The following DIAPH3 variants were observed in gnomAD, a reference collection of about 807,000 sequenced individuals.
DIAPH3 encodes protein diaphanous homolog 3.
In DIAPH3, 117 loss-of-function variants were observed where a neutral mutation model predicts 144.3. The observed-to-expected ratio is 0.81, with a 90% CI of 0.70 to 0.95. The LOEUF is 0.95. Among genes scored for constraint, DIAPH3 ranks in the 40% least tolerant of loss-of-function variants. The pLI is 0.00. For missense variants in DIAPH3, 1,421 were observed against 1,412.7 expected (o/e 1.01, Z -0.09); for synonymous variants, 519 against 488.9 (o/e 1.06, Z -0.81).
At chr13:59,813,884 A>C (rs1455230271) in intron 24 of DIAPH3, among the ~76,000 whole-genome samples, 3 of 151,690 alleles carry the variant, frequency 2.0e-5, no homozygotes, top group Admixed American at 6.6e-5. Flanking sequence ...AAAATTCAAC[A>C]TAAGAAAGGT....
intron 4 of DIAPH3, 81 bp from the exon 5 acceptor site, chr13:60,042,901 C>T (rs2141199060): frequency 1.3e-6 from 2 of 1,483,160 alleles, no homozygotes; most frequent in South Asian, 1.2e-5. Context: ...ATCTCCCTAA[C>T]AGCAGCACAT....
rs1225658044 is a variant in DIAPH3 at position 60,156,606 on chromosome 13, CT to C, written c.180+6980del. On this transcript the variant is annotated intron_variant, in intron 1 of 27. Coordinates refer to ENST00000400324, the MANE Select transcript of DIAPH3 (RefSeq NM_001042517.2). ...TATACATCTATTTGACTTGAGATGT[CT>C]GGGAAAGAGATTCACAAGTTGAATA... 7.2e-5 allele frequency among the ~76,000 whole-genome samples: 11 copies of C among 152,068 alleles called. No individual in the cohort carries two copies. The South Asian group carries it at 2.3e-3, about 32-fold the overall frequency.
chr13:59,924,376 T>C (rs1394647489), intron 18 of DIAPH3, among the ~76,000 whole-genome samples: 2 of 152,156 alleles, frequency 1.3e-5, no homozygotes, highest in Non-Finnish European at 2.9e-5. Context: ...ACCTCCTTTA[T>C]GTGTGATCAA....
intron 27 of DIAPH3, among the ~76,000 whole-genome samples, chr13:59,725,099 T>C (rs184766374): frequency 3.3e-5 from 5 of 152,288 alleles, no homozygotes; most frequent in Admixed American, 2.6e-4. Context: ...GGAAATACAA[T>C]AATTTGCAGC....
intron 18 of DIAPH3, among the ~76,000 whole-genome samples, chr13:59,916,598 A>G (rs2047235523): frequency 6.6e-6 from 1 of 152,168 alleles, no homozygotes; most frequent in Admixed American, 6.5e-5. Context: ...TGTAATGAAA[A>G]TAATAAGAAA....
intron 27 of DIAPH3, among the ~76,000 whole-genome samples, chr13:59,674,791 A>G (rs2032553065): frequency 6.6e-6 from 1 of 152,206 alleles, no homozygotes; most frequent in Non-Finnish European, 1.5e-5. Flanking sequence ...CAACCATGGC[A>G]TCTGTTTATC....
intron 4 of DIAPH3, among the ~76,000 whole-genome samples, chr13:60,064,698 G>T (rs2056891369): frequency 6.6e-6 from 1 of 152,142 alleles, no homozygotes; most frequent in South Asian, 2.1e-4. Flanking sequence ...TCATTCACAT[G>T]TTCACTGGAG....
In DIAPH3 at chr13:59,981,142, C is replaced by A. The variant is rs964144781; in HGVS notation, c.1481-283G>T. Among the ~76,000 whole-genome samples the A allele has an allele frequency of 2.7e-5, 4 of 150,918 alleles. No individual in the cohort carries two copies. In the Admixed American group the frequency reaches 2.7e-4, roughly 10 times the overall value. ...TAATAACACTCAAATGTTTCTATCA[C>A]CAACTCGTACATATTTTAAAGAAAA... On this transcript the variant is annotated intron_variant, in intron 13 of 27. Coordinates refer to ENST00000400324, the MANE Select transcript of DIAPH3 (RefSeq NM_001042517.2).
intron 27 of DIAPH3, among the ~76,000 whole-genome samples, chr13:59,678,793 A>G: frequency 6.6e-6 from 1 of 152,220 alleles, no homozygotes; most frequent in South Asian, 2.1e-4. Flanking sequence ...TTATTTTTAA[A>G]TCTTTTAGCA....
At chr13:59,871,204 G>GC (rs975086737) in intron 21 of DIAPH3, among the ~76,000 whole-genome samples, 14 of 144,502 alleles carry the variant, frequency 9.7e-5, no homozygotes, top group African/African-American at 3.5e-4. Flanking sequence ...TTGGGGGGGG[G>GC]GGTGGCGGGC....
At chr13:59,960,061 G>A (rs2049655472) in intron 17 of DIAPH3, among the ~76,000 whole-genome samples, 1 of 152,118 alleles carries the variant, frequency 6.6e-6, no homozygotes, top group Admixed American at 6.5e-5. Context: ...CACAAGACAA[G>A]ACTGATTTAT....
intron 17 of DIAPH3, among the ~76,000 whole-genome samples, chr13:59,934,899 TC>T (rs2048190928): frequency 6.6e-6 from 1 of 152,134 alleles, no homozygotes; most frequent in Non-Finnish European, 1.5e-5. Flanking sequence ...ATCCAAATTT[TC>T]CCTTGCTGTA....
At chr13:59,681,188 C>T (rs776902241) in intron 27 of DIAPH3, among the ~76,000 whole-genome samples, 3 of 152,162 alleles carry the variant, frequency 2.0e-5, no homozygotes, top group Non-Finnish European at 4.4e-5. Context: ...CAACAAAATG[C>T]CGGGCTCAGT....
chr13:59,901,807 G>A (rs964123276), intron 20 of DIAPH3, among the ~76,000 whole-genome samples: 1 of 152,126 alleles, frequency 6.6e-6, no homozygotes, highest in Non-Finnish European at 1.5e-5. Flanking sequence ...CAAAATCCAA[G>A]TCCCTGAAAC....
intron 20 of DIAPH3, 60 bp from the exon 21 acceptor site, chr13:59,879,528 C>T (rs772336932): frequency 7.6e-5 from 122 of 1,603,912 alleles, no homozygotes; most frequent in South Asian, 1.8e-4. Context: ...TAGTACTGTA[C>T]GACTGCAAGT....
intron 23 of DIAPH3, chr13:59,837,529 A>G (rs1448618425): frequency 6.5e-6 from 1 of 154,566 alleles, no homozygotes; most frequent in African/African-American, 2.4e-5. Flanking sequence ...GCTACATGCA[A>G]GCAAAATCTT....
Position 60,154,348 on chromosome 13 carries a change from A to G in DIAPH3, c.180+9239T>C, listed in dbSNP as rs560972331. Among the ~76,000 whole-genome samples the G allele has an allele frequency of 2.6e-5, 4 of 152,306 alleles. No homozygotes were observed. The South Asian group carries it at 8.3e-4, about 32-fold the overall frequency. On this transcript the variant is annotated intron_variant, in intron 1 of 27. Coordinates refer to ENST00000400324, the MANE Select transcript of DIAPH3 (RefSeq NM_001042517.2). ...TACACATGAGAAAGGGGAGGCACAG[A>G]GAACGGTTAAGTAATTGCTCAGTTC...
At chr13:59,687,413 T>C (rs2033274235) in intron 27 of DIAPH3, among the ~76,000 whole-genome samples, 1 of 152,122 alleles carries the variant, frequency 6.6e-6, no homozygotes, top group Non-Finnish European at 1.5e-5. Flanking sequence ...GATAAAACTT[T>C]TGATGGAGTA....
intron 3 of DIAPH3, among the ~76,000 whole-genome samples, chr13:60,108,874 T>C (rs1447222236): frequency 1.3e-5 from 2 of 151,930 alleles, no homozygotes; most frequent in Non-Finnish European, 2.9e-5. Context: ...GAAATTTTGG[T>C]GAGTGGGTGT....
Sources: gnomAD v4.1 joint callset for allele counts (sites outside exome capture counted in the v4.1 genomes callset) on GRCh38, gnomAD v4.1.1 for gene constraint, MANE v1.5 for transcripts, NCBI Gene and HGNC (gene_info 2026-07-23, HGNC 2026-07-21) for gene names.